GOLM1: variants seen among roughly 807,000 people sequenced by gnomAD.
GOLM1 encodes the protein golgi membrane protein 1.
Under a neutral mutation model 50.5 loss-of-function variants are expected in GOLM1, and 31 were observed. That is an observed-to-expected ratio of 0.61 (90% CI 0.46 to 0.83). GOLM1 has a LOEUF of 0.83. Ranked by LOEUF, GOLM1 falls within the 40% of genes least tolerant of loss-of-function variation. The pLI is 0.00. For synonymous variants in GOLM1, 178 were observed against 192.8 expected (o/e 0.92, Z 0.64); for missense variants, 491 against 501.3 (o/e 0.98, Z 0.20).
chr9:86,040,119 C>T (rs2118668789), intron 6 of GOLM1, among the ~76,000 whole-genome samples: 1 of 152,168 alleles, frequency 6.6e-6, no homozygotes, highest in Non-Finnish European at 1.5e-5. Flanking sequence ...CTAAGGGATA[C>T]ACGGTTTCTT....
At chr9:86,075,771 C>A (rs1834592058) in intron 3 of GOLM1, among the ~76,000 whole-genome samples, 1 of 151,840 alleles carries the variant, frequency 6.6e-6, no homozygotes, top group African/African-American at 2.4e-5. Context: ...CTACTTGATG[C>A]TCTTTTTTTT....
intron 3 of GOLM1, among the ~76,000 whole-genome samples, chr9:86,076,999 G>A (rs905156440): frequency 6.6e-6 from 1 of 152,076 alleles, no homozygotes; most frequent in South Asian, 2.1e-4. Context: ...GTATTTAGTA[G>A]AGTCTGCCTC....
intron 6 of GOLM1, among the ~76,000 whole-genome samples, chr9:86,038,646 A>G (rs1833231372): frequency 6.6e-6 from 1 of 152,088 alleles, no homozygotes; most frequent in Admixed American, 6.5e-5. Context: ...CTTACAGCAC[A>G]CTGATTTCTG....
intron 5 of GOLM1, among the ~76,000 whole-genome samples, chr9:86,044,478 C>CA (rs1833468578): frequency 6.6e-6 from 1 of 152,192 alleles, no homozygotes; most frequent in Non-Finnish European, 1.5e-5. Context: ...GGTGACCACA[C>CA]AGATGGCTCA....
At chr9:86,059,021 A>T (rs974453982) in intron 3 of GOLM1, among the ~76,000 whole-genome samples, 2 of 152,152 alleles carry the variant, frequency 1.3e-5, no homozygotes, top group African/African-American at 4.8e-5. Context: ...AATAAAAATA[A>T]AAAAGGAAAA....
At chr9:86,033,436 G>A (rs1564339886) in intron 8 of GOLM1, 41 bp from the exon 9 acceptor site, 1 of 1,224,012 alleles carries the variant, frequency 8.2e-7, no homozygotes. Context: ...CATCATTTCT[G>A]TCTTGATGTC....
intron 6 of GOLM1, among the ~76,000 whole-genome samples, chr9:86,040,429 C>T (rs1167864895): frequency 6.6e-6 from 1 of 152,166 alleles, no homozygotes; most frequent in Non-Finnish European, 1.5e-5. Flanking sequence ...ACACTGGCCA[C>T]AGAACTTAAC....
chr9:86,095,032 G>A (rs1401089631), intron 1 of GOLM1, among the ~76,000 whole-genome samples: 4 of 149,480 alleles, frequency 2.7e-5, no homozygotes, highest in Non-Finnish European at 4.4e-5. Context: ...TCGGTGAGCC[G>A]AGATAGTGCC....
intron 1 of GOLM1, among the ~76,000 whole-genome samples, chr9:86,084,613 A>G (rs891138365): frequency 3.9e-5 from 6 of 152,222 alleles, no homozygotes; most frequent in Admixed American, 1.3e-4. Context: ...TATAGGAACT[A>G]TATGTACTAT....
chr9:86,098,073 T>TA (rs969948288), intron 1 of GOLM1, among the ~76,000 whole-genome samples: 14 of 151,356 alleles, frequency 9.2e-5, no homozygotes, highest in East Asian at 1.9e-4. Flanking sequence ...AAACCAACTT[T>TA]AAAAAAAAAT....
chr9:86,093,552 A>T (rs1008861128), intron 1 of GOLM1, among the ~76,000 whole-genome samples: 7 of 145,804 alleles, frequency 4.8e-5, no homozygotes, highest in African/African-American at 1.9e-4. Context: ...CCTGGGCGAC[A>T]GAGCAAGATT....
At chr9:86,059,242 C>A (rs563572066) in intron 3 of GOLM1, among the ~76,000 whole-genome samples, 13 of 152,262 alleles carry the variant, frequency 8.5e-5, no homozygotes, top group African/African-American at 3.1e-4. Context: ...AACCTGTCCA[C>A]AAATGCTCAC....
At chr9:86,060,876 CAAAAAAAAAAAAA>C (rs753183065) in intron 3 of GOLM1, among the ~76,000 whole-genome samples, 84 of 19,824 alleles carry the variant, frequency 4.2e-3, no homozygotes, top group Admixed American at 7.2e-3. Flanking sequence ...GAAACTCTCT[CAAAAAAAAAAAAA>C]AAAAAAAAAA....
chr9:86,076,460 A>T (rs1563964769), intron 3 of GOLM1, among the ~76,000 whole-genome samples: 1 of 141,832 alleles, frequency 7.1e-6, no homozygotes, highest in Admixed American at 7.1e-5. Context: ...AAAAAGCCAA[A>T]TTTTTCTAGT....
chr9:86,086,683 T>G (rs973274091), intron 1 of GOLM1, among the ~76,000 whole-genome samples: 21 of 152,244 alleles, frequency 1.4e-4, no homozygotes, highest in Admixed American at 4.6e-4. Flanking sequence ...CTTGCCAGTT[T>G]TCCCAGTGCC....
intron 3 of GOLM1, among the ~76,000 whole-genome samples, chr9:86,064,486 A>T (rs971078275): frequency 6.6e-6 from 1 of 152,154 alleles, no homozygotes; most frequent in Non-Finnish European, 1.5e-5. Context: ...TCAGTGCAAC[A>T]TCACTTTTTA....
chr9:86,064,007 T>C (rs1188297248), intron 3 of GOLM1, among the ~76,000 whole-genome samples: 3 of 152,208 alleles, frequency 2.0e-5, no homozygotes, highest in Non-Finnish European at 4.4e-5. Context: ...AACCACGTCC[T>C]GAATCAAATA....
At chr9:86,064,849 C>T (rs1159837442) in intron 3 of GOLM1, among the ~76,000 whole-genome samples, 2 of 152,190 alleles carry the variant, frequency 1.3e-5, no homozygotes, top group African/African-American at 4.8e-5. Context: ...TCCTCCACGT[C>T]GGTTCCACAC....
intron 3 of GOLM1, among the ~76,000 whole-genome samples, chr9:86,056,045 A>T (rs902177250): frequency 1.2e-4 from 19 of 152,184 alleles, no homozygotes. Context: ...TCTCCTGGGT[A>T]AATAATATCT....
Sources: allele counts gnomAD v4.1 joint callset (sites outside exome capture counted in the v4.1 genomes callset), GRCh38; gene constraint gnomAD v4.1.1; transcripts MANE v1.5; gene names NCBI Gene and HGNC (gene_info 2026-07-23, HGNC 2026-07-21).